The following POLR1A variants were observed in gnomAD, a reference collection of about 807,000 sequenced individuals.
POLR1A encodes DNA-directed RNA polymerase I subunit RPA1.
POLR1A carries 84 observed loss-of-function variants against 205.3 expected under a neutral mutation model. The ratio of observed to expected loss-of-function variants is 0.41; its 90% CI spans 0.34 to 0.49. POLR1A has a LOEUF of 0.49. POLR1A is among the 20% of genes least tolerant of loss of function. POLR1A has a pLI of 0.22. For missense variants in POLR1A, 1,645 were observed against 2,204.5 expected (o/e 0.75, Z 5.08); for synonymous variants, 799 against 863.7 (o/e 0.93, Z 1.31).
chr2:86,041,183 G>GCGCA (rs1558765356), intron 24 of POLR1A, among the ~76,000 whole-genome samples: 1 of 90,274 alleles, frequency 1.1e-5, no homozygotes, highest in African/African-American at 4.0e-5. Context: ...GTGTGTGTGT[G>GCGCA]TGTGTGTGCG....
chr2:86,034,881 C>T lies in POLR1A; in HGVS notation c.4035-1094G>A, dbSNP rs547527935. Among the ~76,000 whole-genome samples, 422 of 152,194 alleles carry T rather than the reference C, an allele frequency of 2.8e-3. 6 individuals carry two copies. The highest frequency in any genetic ancestry group is 9.9e-3 in the African/African-American group (411 of 41,516). On this transcript the variant is annotated intron_variant, in intron 27 of 33. Transcript: ENST00000263857. ...CTAATATTATTATTATTAGTTCCCC[C>T]CACCGTCCCGAGATGGAGTCTCTCT...
intron 8 of POLR1A, among the ~76,000 whole-genome samples, 185 bp from the exon 9 acceptor site, chr2:86,081,163 T>C (rs1023709240): frequency 3.9e-5 from 6 of 152,084 alleles, no homozygotes; most frequent in African/African-American, 1.2e-4. Context: ...TGGGAAGCCA[T>C]GGCAGGTGGA....
chr2:86,047,685 C>T (rs772338846), intron 18 of POLR1A, among the ~76,000 whole-genome samples: 20 of 152,188 alleles, frequency 1.3e-4, no homozygotes, highest in East Asian at 1.9e-4. Context: ...TACCAACATC[C>T]GCATCATGTC....
chr2:86,076,278 C>T (rs1673281733), intron 11 of POLR1A, among the ~76,000 whole-genome samples: 1 of 152,208 alleles, frequency 6.6e-6, no homozygotes, highest in African/African-American at 2.4e-5. Flanking sequence ...CGCGCAGCAA[C>T]ACTTTCTCAG....
At chr2:86,077,781 G>A (rs1004877112) in intron 11 of POLR1A, 78 bp downstream of exon 11, 10 of 1,539,790 alleles carry the variant, frequency 6.5e-6, no homozygotes, top group South Asian at 3.4e-5. Flanking sequence ...TGCCACCCAC[G>A]GGGAGCAAAT....
At chr2:86,034,027 G>C (rs896021839) in intron 27 of POLR1A, among the ~76,000 whole-genome samples, 4 of 152,206 alleles carry the variant, frequency 2.6e-5, no homozygotes, top group Non-Finnish European at 4.4e-5. Flanking sequence ...GCCACTCCCG[G>C]GGTATGAGTA....
Position 86,042,496 on chromosome 2 carries a change from C to T in POLR1A, c.3358-393G>A, listed in dbSNP as rs950571646. Among the ~76,000 whole-genome samples the T allele has an allele frequency of 7.9e-5, 12 of 152,358 alleles. No individual in the cohort carries two copies. In the South Asian group the frequency reaches 1.7e-3, roughly 21 times the overall value. On this transcript the variant is annotated intron_variant, in intron 23 of 33. Coordinates refer to ENST00000263857, the MANE Select transcript of POLR1A (RefSeq NM_015425.6). Reference sequence around the variant, plus strand: ...ATTTCTGGATCCAGGCTCTTTCACACGCTCTGTGCCCTCAAGGCTGTCCCA... The same window carrying T: ...ATTTCTGGATCCAGGCTCTTTCACATGCTCTGTGCCCTCAAGGCTGTCCCA...
Position 86,070,179 on chromosome 2 carries a change from G to A in POLR1A, c.1705C>T (p.Leu569=). The change falls in exon 13 of 34, where the codon CTG becomes TTG. Residue 569 remains leucine (L), a synonymous_variant. Transcript: ENST00000263857. The surrounding 1 kb of genome is among the most constrained non-coding windows in gnomAD (Gnocchi z 4.4). ...PSIQAHRARI[L]PEEKVLRLHY... ...AGCCGCAGCACTTTCTCTTCAGGCA[G>A]GATGCGGGCACGGTGGGCCTGGATG... The A allele has an allele frequency of 6.2e-7, 1 of 1,614,232 alleles. No homozygotes were observed. Among genetic ancestry groups the A allele is most frequent in the South Asian group, 1.1e-5 (1 of 91,082 alleles).
At chr2:86,064,497 G>A (rs767902117) in intron 14 of POLR1A, among the ~76,000 whole-genome samples, 10 of 152,132 alleles carry the variant, frequency 6.6e-5, no homozygotes, top group Non-Finnish European at 1.3e-4. Context: ...GGGTTGAAAA[G>A]TCCTGGGTTT....
At chr2:86,038,903 G>A (rs6751694) in intron 26 of POLR1A, 46 bp from the exon 27 acceptor site, 17,166 of 1,588,844 alleles carry the variant, frequency 0.011, 139 homozygotes, top group Non-Finnish European at 0.012. Flanking sequence ...CAGGTCCTAG[G>A]TGACTGCGCA....
intron 14 of POLR1A, among the ~76,000 whole-genome samples, chr2:86,058,303 G>T (rs1185020622): frequency 6.6e-6 from 1 of 151,772 alleles, no homozygotes; most frequent in Non-Finnish European, 1.5e-5. Flanking sequence ...GTTTCACCAG[G>T]TTGGTCAGGC....
intron 13 of POLR1A, among the ~76,000 whole-genome samples, chr2:86,066,157 G>C (rs1467920291): frequency 2.0e-5 from 3 of 152,222 alleles, no homozygotes; most frequent in African/African-American, 4.8e-5. Context: ...GTTGAGGCCT[G>C]AGGGGTGAGC....
chr2:86,080,120 G>A lies in POLR1A; in HGVS notation c.1086+696C>T, dbSNP rs139318947. On this transcript the variant is annotated intron_variant, in intron 9 of 33. Transcript: ENST00000263857. ...TGGCAGACAGCGGGACTGTCGCAGC[G>A]GCTGGAGTCTGAGAACCCGGACTGT... Among the ~76,000 whole-genome samples, 802 of 152,222 alleles carry A rather than the reference G, an allele frequency of 5.3e-3. 10 individuals carry two copies. Among genetic ancestry groups the A allele is most frequent in the African/African-American group, 0.018 (745 of 41,520 alleles).
chr2:86,090,954 G>T (rs1050139166), intron 3 of POLR1A, among the ~76,000 whole-genome samples: 3 of 152,212 alleles, frequency 2.0e-5, no homozygotes, highest in African/African-American at 7.2e-5. Context: ...CACACAGTGA[G>T]ATCCTGCCTT....
rs149396597 is a variant in POLR1A, at chr2:86,082,300, C to A, written c.818-594G>T. ...AACTTCACTTGTTTTTAATCACCCT[C>A]CTGGACTATTAAAACACAGACAGCA... is the stretch of plus-strand genomic sequence containing the variant. On this transcript the variant is annotated intron_variant, in intron 7 of 33. Coordinates refer to ENST00000263857, the MANE Select transcript of POLR1A (RefSeq NM_015425.6). Among the ~76,000 whole-genome samples, 3 of 152,220 alleles carry A rather than the reference C, an allele frequency of 2.0e-5. No homozygotes were observed. In the East Asian group the frequency reaches 5.8e-4, roughly 29 times the overall value.
chr2:86,103,306 G>A (rs1161623193), intron 1 of POLR1A, among the ~76,000 whole-genome samples: 1 of 152,156 alleles, frequency 6.6e-6, no homozygotes, highest in Non-Finnish European at 1.5e-5. Flanking sequence ...CAAAGGTCCT[G>A]AGGTGGATGT....
chr2:86,083,944 A>T (rs1214436403), intron 6 of POLR1A, among the ~76,000 whole-genome samples: 1 of 152,208 alleles, frequency 6.6e-6, no homozygotes, highest in Non-Finnish European at 1.5e-5. Context: ...ACTGCCATTC[A>T]GGAGGTAGGG....
intron 2 of POLR1A, among the ~76,000 whole-genome samples, chr2:86,098,980 A>G (rs558713665): frequency 3.1e-4 from 47 of 152,176 alleles, no homozygotes; most frequent in African/African-American, 1.1e-3. Flanking sequence ...TAGATTTGAA[A>G]TTTACTTTGG....
rs995880836 is a variant in POLR1A, at chr2:86,028,237, C to A, written c.4898-188G>T. Among the ~76,000 whole-genome samples the A allele has an allele frequency of 6.6e-6, 1 of 152,192 alleles. No individual in the cohort carries two copies. The highest frequency in any genetic ancestry group is 1.5e-5 in the Non-Finnish European group (1 of 68,038). On this transcript the variant is annotated intron_variant, in intron 32 of 33. Coordinates refer to ENST00000263857, the MANE Select transcript of POLR1A (RefSeq NM_015425.6). This position sits in a 1 kb window ranked among gnomAD's most constrained non-coding sequence, Gnocchi z 4.5. ...TGGTCTGGGGCATCTTTCCCTGACC[C>A]CTGCATCCTGCTTCCCGCTTCCTTC... is the stretch of plus-strand genomic sequence containing the variant.
Sources: allele counts gnomAD v4.1 joint callset (sites outside exome capture counted in the v4.1 genomes callset), GRCh38; gene constraint gnomAD v4.1.1; non-coding constraint Gnocchi (gnomAD v3.1); transcripts MANE v1.5; gene names NCBI Gene and HGNC (gene_info 2026-07-23, HGNC 2026-07-21).